HIVEP3: variants seen among roughly 807,000 people sequenced by gnomAD.
HIVEP3 encodes the protein HIVEP zinc finger 3, also known as transcription factor HIVEP3.
In HIVEP3, 49 loss-of-function variants were observed where a neutral mutation model predicts 152.8. That is an observed-to-expected ratio of 0.32 (90% CI 0.26 to 0.41). The LOEUF (loss-of-function observed/expected upper bound fraction) is 0.41, where lower values mean the gene tolerates loss of function less well. HIVEP3 is among the 10% of genes least tolerant of loss of function. HIVEP3 has a pLI of 1.00. For missense variants in HIVEP3, 2,790 were observed against 3,103.3 expected, an observed-to-expected ratio of 0.90 and a Z score of 2.40; for synonymous variants, 1,269 against 1,289.0, an observed-to-expected ratio of 0.98 and a Z score of 0.33.
intron 1 of HIVEP3, among the ~76,000 whole-genome samples, chr1:42,028,903 C>T (rs796700921): frequency 4.6e-5 from 7 of 152,252 alleles, no homozygotes; most frequent in African/African-American, 1.7e-4. Flanking sequence ...AGAGGGCAGC[C>T]ACTGTAACTA....
intron 5 of HIVEP3, among the ~76,000 whole-genome samples, chr1:41,567,029 G>A (rs888981356): frequency 6.6e-6 from 1 of 152,032 alleles, no homozygotes; most frequent in Non-Finnish European, 1.5e-5. Flanking sequence ...CTATCCAATT[G>A]CCAAATGTCT....
intron 3 of HIVEP3, among the ~76,000 whole-genome samples, chr1:41,626,615 C>G (rs1485670585): frequency 6.6e-6 from 1 of 152,170 alleles, no homozygotes; most frequent in Non-Finnish European, 1.5e-5. Context: ...TGGACTAGTT[C>G]AAGTATCTGT....
At chr1:41,903,795 A>G (rs1293948152) in intron 1 of HIVEP3, among the ~76,000 whole-genome samples, 1 of 151,690 alleles carries the variant, frequency 6.6e-6, no homozygotes, top group African/African-American at 2.4e-5. Flanking sequence ...TTAAAAGAGT[A>G]TTGGGTCAGC....
chr1:41,657,325 G>A (rs909327864), intron 2 of HIVEP3, among the ~76,000 whole-genome samples: 1 of 152,164 alleles, frequency 6.6e-6, no homozygotes, highest in Non-Finnish European at 1.5e-5. Context: ...TGAGCCCATC[G>A]ATGTCAGAGG....
intron 1 of HIVEP3, among the ~76,000 whole-genome samples, chr1:41,831,267 C>T (rs1318018219): frequency 6.6e-6 from 1 of 152,202 alleles, no homozygotes; most frequent in Middle Eastern, 3.2e-3. Context: ...ACCCTCATTT[C>T]CAGCTCTGTT....
intron 1 of HIVEP3, among the ~76,000 whole-genome samples, chr1:41,746,736 C>T (rs1273010800): frequency 6.6e-6 from 1 of 152,208 alleles, no homozygotes; most frequent in Non-Finnish European, 1.5e-5. Flanking sequence ...CTTCCCCTGT[C>T]TCTTGTCATT....
intron 1 of HIVEP3, among the ~76,000 whole-genome samples, chr1:41,883,286 G>T (rs1176976123): frequency 6.6e-6 from 1 of 152,132 alleles, no homozygotes; most frequent in Admixed American, 6.6e-5. Flanking sequence ...TACTATCCAG[G>T]AAAAGTGTGC....
At chr1:41,827,956 C>G (rs1164944830) in intron 1 of HIVEP3, among the ~76,000 whole-genome samples, 1 of 152,080 alleles carries the variant, frequency 6.6e-6, no homozygotes, top group African/African-American at 2.4e-5. Flanking sequence ...AGAGGAGAGG[C>G]AGAGAAGTCA....
chr1:41,629,491 T>A (rs1012209065), intron 2 of HIVEP3, among the ~76,000 whole-genome samples: 1 of 152,132 alleles, frequency 6.6e-6, no homozygotes, highest in Non-Finnish European at 1.5e-5. Context: ...ATAGACAACC[T>A]ACAGAATGGG....
rs772538063 is a variant in HIVEP3, at chr1:41,510,861, C to T, written c.6811G>A (p.Gly2271Ser). The T allele has an allele frequency of 1.2e-6, 2 of 1,613,382 alleles. No homozygotes were observed. Among genetic ancestry groups the T allele is most frequent in the Non-Finnish European group, 1.7e-6 (2 of 1,179,896 alleles). ...TCCCTCTCCTTGGGGTAGTCCCCGC[C>T]CTCCAGCTCTGAGGAGAGTGTGAAT... ...SKFTLSSELEGGDYPKERERT... is the reference protein window; with the variant it reads ...SKFTLSSELESGDYPKERERT... Residue 2271 changes from glycine (G) to serine (S), a missense_variant, in exon 9 of 9, where the codon GGC (glycine) becomes AGC (serine). Coordinates refer to ENST00000372583, the MANE Select transcript of HIVEP3 (RefSeq NM_024503.5).
At chr1:41,618,471 T>C (rs1645000978) in intron 3 of HIVEP3, among the ~76,000 whole-genome samples, 2 of 152,220 alleles carry the variant, frequency 1.3e-5, no homozygotes, top group Admixed American at 6.5e-5. Context: ...CCCATCCTTG[T>C]GGCTCCTGGC....
At position 41,533,070 on chromosome 1, in the gene HIVEP3, G is replaced by T. The variant is rs1643308385; in HGVS notation, c.5208-8160C>A. On this transcript the variant is annotated intron_variant, in intron 5 of 8. Coordinates refer to ENST00000372583, the MANE Select transcript of HIVEP3 (RefSeq NM_024503.5). This position sits in a 1 kb window ranked among gnomAD's most constrained non-coding sequence, Gnocchi z 4.3. ...GGCTGGACATCCCAGAGAGCTTGAG[G>T]AAGACGGCTGCTGAGGACCCAGGAC... Among the ~76,000 whole-genome samples, 1 of 152,180 alleles carries T rather than the reference G, an allele frequency of 6.6e-6. No individual in the cohort carries two copies. The highest frequency in any genetic ancestry group is 2.4e-5 in the African/African-American group (1 of 41,440).
At chr1:41,705,516 T>C (rs1468539684) in intron 1 of HIVEP3, among the ~76,000 whole-genome samples, 1 of 152,048 alleles carries the variant, frequency 6.6e-6, no homozygotes, top group East Asian at 1.9e-4. Context: ...AAAAAGGATG[T>C]GAGGAAGGTT....
At chr1:41,962,184 A>C (rs1043030655) in intron 1 of HIVEP3, among the ~76,000 whole-genome samples, 2 of 152,228 alleles carry the variant, frequency 1.3e-5, no homozygotes, top group Non-Finnish European at 2.9e-5. Flanking sequence ...ACAAAAGAGG[A>C]AAGGGCAATA....
chr1:41,747,915 C>T lies in HIVEP3; in HGVS notation c.-800-46920G>A, dbSNP rs573551512. ...TTCCCTTTGACCCAGTGATTCCACT[C>T]GGAAGCACTTGATGGTCTTAAGGCA... On this transcript the variant is annotated intron_variant, in intron 1 of 8. Transcript: ENST00000372583. 1.1e-4 allele frequency among the ~76,000 whole-genome samples: 17 copies of T among 152,294 alleles called. No individual in the cohort carries two copies. In the South Asian group the frequency reaches 2.1e-3, roughly 19 times the overall value.
intron 1 of HIVEP3, among the ~76,000 whole-genome samples, chr1:41,849,681 G>A (rs965725341): frequency 4.0e-5 from 6 of 151,842 alleles, no homozygotes; most frequent in African/African-American, 1.5e-4. Flanking sequence ...GGATCCATCA[G>A]TGGTAGACCC....
chr1:41,621,789 A>T (rs1558122843), intron 3 of HIVEP3, among the ~76,000 whole-genome samples: 2 of 152,152 alleles, frequency 1.3e-5, no homozygotes, highest in Non-Finnish European at 2.9e-5. Flanking sequence ...AGTAGCTGGG[A>T]TTACAGGCCT....
intron 2 of HIVEP3, among the ~76,000 whole-genome samples, chr1:41,669,649 A>T (rs771940449): frequency 4.6e-5 from 7 of 152,134 alleles, no homozygotes; most frequent in Non-Finnish European, 1.0e-4. Context: ...AGAATGAAAC[A>T]TCGGCTCTTC....
intron 1 of HIVEP3, among the ~76,000 whole-genome samples, chr1:41,978,926 T>C (rs1178696294): frequency 6.6e-6 from 1 of 152,088 alleles, no homozygotes; most frequent in Non-Finnish European, 1.5e-5. Flanking sequence ...CAGACTGACG[T>C]GTTGAGGACA....
Sources: gnomAD v4.1 joint callset for allele counts (sites outside exome capture counted in the v4.1 genomes callset) on GRCh38, gnomAD v4.1.1 for gene constraint, Gnocchi (gnomAD v3.1) non-coding constraint, MANE v1.5 for transcripts, NCBI Gene and HGNC (gene_info 2026-07-23, HGNC 2026-07-21) for gene names.